Variants in NDRG4 observed in about 807,000 individuals in gnomAD.
The protein encoded by NDRG4 is protein NDRG4.
Under a neutral mutation model 55.8 loss-of-function variants are expected in NDRG4, and 38 were observed. That is an observed-to-expected ratio of 0.68 (90% CI 0.53 to 0.89). The LOEUF (loss-of-function observed/expected upper bound fraction) is 0.89, where lower values mean the gene tolerates loss of function less well. Among genes scored for constraint, NDRG4 ranks in the 40% least tolerant of loss-of-function variants. NDRG4 has a pLI of 0.00. For missense variants in NDRG4, 455 were observed against 468.6 expected, an observed-to-expected ratio of 0.97 and a Z score of 0.27; for synonymous variants, 190 against 182.7, an observed-to-expected ratio of 1.04 and a Z score of -0.32.
In NDRG4 at chr16:58,512,416, C is replaced by T. The variant is rs544193743; in HGVS notation, c.*840C>T. On this transcript the variant is annotated 3_prime_UTR_variant, in exon 15 of 15. Coordinates refer to ENST00000570248, the MANE Select transcript of NDRG4 (RefSeq NM_001242835.2). ...TTCGTGGTGACTGCCTTTGGGAGCC[C>T]GCAGGTGGCCAGAGGCAGGGGTAGC... is the stretch of plus-strand genomic sequence containing the variant. 193 of 252,592 alleles carry T rather than the reference C, an allele frequency of 7.6e-4. No individual in the cohort carries two copies. The highest frequency in any genetic ancestry group is 1.2e-3 in the Non-Finnish European group (158 of 127,180). 15.6% of individuals were successfully genotyped at this position (252,592 alleles called of 1,614,324 possible). A position where few individuals can be genotyped will look rare whatever the true frequency, so the allele number is the denominator to read the frequency against.
intron 13 of NDRG4, among the ~76,000 whole-genome samples, chr16:58,509,946 AC>A (rs540808009): frequency 1.5e-3 from 231 of 152,166 alleles, no homozygotes; most frequent in Middle Eastern, 0.01. Flanking sequence ...ACAGACACAC[AC>A]ACACACACAC....
At chr16:58,509,737 T>C (rs995999330) in intron 13 of NDRG4, among the ~76,000 whole-genome samples, 1 of 152,130 alleles carries the variant, frequency 6.6e-6, no homozygotes, top group South Asian at 2.1e-4. Flanking sequence ...GGGCTTGGGG[T>C]CAGAGCTGGG....
At chr16:58,476,892 T>C (rs1433095201) in intron 1 of NDRG4, among the ~76,000 whole-genome samples, 4 of 152,048 alleles carry the variant, frequency 2.6e-5, no homozygotes, top group Non-Finnish European at 4.4e-5. Flanking sequence ...TTTCAGTAAG[T>C]ACAAAAAAAC....
intron 2 of NDRG4, chr16:58,487,930 T>A: frequency 1.8e-6 from 2 of 1,105,796 alleles, no homozygotes; most frequent in Non-Finnish European, 2.5e-6. Flanking sequence ...GTGCCTTTCC[T>A]GCAGCCGACC....
chr16:58,475,885 C>T (rs539725190), intron 1 of NDRG4, among the ~76,000 whole-genome samples: 6 of 152,256 alleles, frequency 3.9e-5, no homozygotes, highest in Non-Finnish European at 8.8e-5. Flanking sequence ...CAACTTCTGC[C>T]TCCCAGGTTC....
intron 1 of NDRG4, among the ~76,000 whole-genome samples, chr16:58,485,381 T>C (rs374025617): frequency 6.6e-6 from 1 of 152,152 alleles, no homozygotes; most frequent in South Asian, 2.1e-4. Flanking sequence ...AGGCCATCTG[T>C]CCCTGCACTG....
intron 1 of NDRG4, among the ~76,000 whole-genome samples, chr16:58,469,266 C>T (rs929815887): frequency 3.3e-5 from 5 of 152,014 alleles, no homozygotes; most frequent in African/African-American, 1.2e-4. Context: ...TCTGCTTCTC[C>T]GCTTCACTGG....
intron 8 of NDRG4, chr16:58,507,578 A>G: frequency 1.8e-6 from 1 of 551,964 alleles, no homozygotes. Context: ...AAACTCCCAC[A>G]GCACAGGTGG....
chr16:58,506,589 C>G lies in NDRG4; in HGVS notation c.491C>G (p.Thr164Arg), dbSNP rs781648468. ...LSGLTSTLPDTVLSHLFSQEE... is the reference protein window; with the variant it reads ...LSGLTSTLPDRVLSHLFSQEE... ...GGCCTAACTAGCACTTTACCCGACA[C>G]GGTGCTCTCCCACCTCTTCAGCCAG... Residue 164 changes from threonine (T) to arginine (R), a missense_variant, in exon 7 of 15, where the codon ACG (threonine) becomes AGG (arginine). Physicochemically the swap from Thr to Arg is moderately conservative, Grantham distance 71. Transcript: ENST00000570248. 1 of 1,570,432 alleles carries G rather than the reference C, an allele frequency of 6.4e-7. No homozygotes were observed. The highest frequency in any genetic ancestry group is 8.6e-7 in the Non-Finnish European group (1 of 1,161,196).
intron 1 of NDRG4, among the ~76,000 whole-genome samples, chr16:58,480,426 C>T (rs529073010): frequency 4.3e-4 from 65 of 152,296 alleles, no homozygotes; most frequent in African/African-American, 1.6e-3. Flanking sequence ...CGGCCCTGCC[C>T]CCTCCAAGTT....
At chr16:58,472,474 CCCCGCACTGGGG>C (rs1242974517) in intron 1 of NDRG4, among the ~76,000 whole-genome samples, 1 of 152,192 alleles carries the variant, frequency 6.6e-6, no homozygotes, top group East Asian at 1.9e-4. Context: ...GGCCCTCTGA[CCCCGCACTGGGG>C]CCCGGCTGCC....
rs1224581702 is a variant in NDRG4, at chr16:58,504,602, A to C, written c.325A>C (p.Ile109Leu). The change falls in exon 5 of 15, where the codon ATT becomes CTT. Residue 109 changes from isoleucine to leucine, a missense_variant. Physicochemically the swap from Ile to Leu is conservative, Grantham distance 5 (BLOSUM62 2). Coordinates refer to ENST00000570248, the MANE Select transcript of NDRG4 (RefSeq NM_001242835.2). ...VVQHFGFKYV[I>L]GIGVGAGAYV... ...GCTCTGCACCAGGTTCAAGTATGTG[A>C]TTGGCATCGGAGTGGGCGCCGGAGC... is the stretch of plus-strand genomic sequence containing the variant. 1 of 1,613,982 alleles carries C rather than the reference A, an allele frequency of 6.2e-7. No homozygotes were observed. The highest frequency in any genetic ancestry group is 1.3e-5 in the African/African-American group (1 of 74,868).
In NDRG4 at chr16:58,504,579, T is replaced by C. The variant is rs1056497341; in HGVS notation, c.312-10T>C. 1 of 1,614,194 alleles carries C rather than the reference T, an allele frequency of 6.2e-7. No individual in the cohort carries two copies. The highest frequency in any genetic ancestry group is 8.5e-7 in the Non-Finnish European group (1 of 1,180,014). On this transcript the variant is annotated splice_polypyrimidine_tract_variant and intron_variant, in intron 4 of 14. Transcript: ENST00000570248. ...CCTAGCCCTAGAGTGACCAGCCTGC[T>C]CTGCACCAGGTTCAAGTATGTGATT...
rs754628410 is a variant in NDRG4, at chr16:58,504,563, A to C, written c.312-26A>C. 46 of 1,614,016 alleles carry C rather than the reference A, an allele frequency of 2.9e-5. No individual in the cohort carries two copies. In the South Asian group the frequency reaches 3.8e-4, roughly 13 times the overall value. Reference sequence around the variant, plus strand: ...TATGGGAAATGGCACCCCTAGCCCTAGAGTGACCAGCCTGCTCTGCACCAG... The same window carrying C: ...TATGGGAAATGGCACCCCTAGCCCTCGAGTGACCAGCCTGCTCTGCACCAG... On this transcript the variant is annotated intron_variant, in intron 4 of 14. Transcript: ENST00000570248.
intron 2 of NDRG4, among the ~76,000 whole-genome samples, chr16:58,491,436 A>G (rs1414304241): frequency 1.3e-5 from 2 of 148,556 alleles, no homozygotes; most frequent in African/African-American, 5.0e-5. Context: ...TGCAGTGCTG[A>G]AAGCATCCAT....
At chr16:58,498,804 T>A (rs1237019584), upstream of NDRG4, among the ~76,000 whole-genome samples, 1 of 152,148 alleles carries the variant, frequency 6.6e-6, no homozygotes, top group Admixed American at 6.5e-5. Context: ...TGTGCAGTTA[T>A]CGTGGCCAGA....
At chr16:58,467,007 C>G (rs908625087) in intron 1 of NDRG4, among the ~76,000 whole-genome samples, 1 of 152,142 alleles carries the variant, frequency 6.6e-6, no homozygotes. Flanking sequence ...TGAGATTTGA[C>G]CCATCTCCCC....
chr16:58,508,558 C>A (rs533489033), intron 10 of NDRG4, among the ~76,000 whole-genome samples: 2 of 152,168 alleles, frequency 1.3e-5, no homozygotes, highest in African/African-American at 4.8e-5. Flanking sequence ...CTTTCCCATG[C>A]CCACTGGGAG....
intron 10 of NDRG4, among the ~76,000 whole-genome samples, chr16:58,508,255 C>T (rs2038311454): frequency 6.6e-6 from 1 of 152,214 alleles, no homozygotes; most frequent in Admixed American, 6.5e-5. Context: ...TCCCCTCTTC[C>T]CTCCCCAGCA....
Sources: gnomAD v4.1 joint callset for allele counts (sites outside exome capture counted in the v4.1 genomes callset) on GRCh38, gnomAD v4.1.1 for gene constraint, MANE v1.5 for transcripts, NCBI Gene and HGNC (gene_info 2026-07-23, HGNC 2026-07-21) for gene names.